The following EFR3A variants were observed in gnomAD, a reference collection of about 807,000 sequenced individuals.
EFR3A encodes the protein protein EFR3 homolog A.
Under a neutral mutation model 104.4 loss-of-function variants are expected in EFR3A, and 76 were observed. The ratio of observed to expected loss-of-function variants is 0.73; its 90% CI spans 0.60 to 0.88. EFR3A has a LOEUF of 0.88. Among genes scored for constraint, EFR3A ranks in the 40% least tolerant of loss-of-function variants. The pLI, the probability that EFR3A is intolerant of heterozygous loss-of-function variation, is 0.00. For synonymous variants in EFR3A, 330 were observed against 330.0 expected (o/e 1.00, Z 0.00); for missense variants, 985 against 1,012.5 (o/e 0.97, Z 0.37).
intron 1 of EFR3A, among the ~76,000 whole-genome samples, chr8:131,936,748 G>A (rs558751883): frequency 2.7e-4 from 41 of 152,144 alleles, no homozygotes; most frequent in Admixed American, 3.9e-4. Flanking sequence ...ATGAACAGCC[G>A]GATGGAAAAG....
At position 131,976,155 on chromosome 8, in the gene EFR3A, C is replaced by CT. The variant is rs769178158; in HGVS notation, c.1274+15dup. On this transcript the variant is annotated intron_variant, in intron 11 of 22. Coordinates refer to ENST00000254624, the MANE Select transcript of EFR3A (RefSeq NM_015137.6). The stretch of plus-strand genomic sequence containing the variant: ...CAGTCAACTAGGGTATGTTCTCAGA[C>CT]TGTAAATTTGAACTTAATCTTGAGT... 4.6e-5 allele frequency: 67 copies of CT among 1,444,830 alleles called. 1 individual carries two copies. The East Asian group carries it at 1.5e-3, about 33-fold the overall frequency. The allele number at this position is 1,444,830 out of a possible 1,614,324, so 89.5% of individuals were successfully genotyped here.
intron 1 of EFR3A, among the ~76,000 whole-genome samples, chr8:131,929,581 T>C (rs1292918079): frequency 6.6e-6 from 1 of 152,178 alleles, no homozygotes; most frequent in Non-Finnish European, 1.5e-5. Flanking sequence ...TATGTGATTA[T>C]CTTTTCCCAC....
intron 22 of EFR3A, 47 bp from the exon 23 acceptor site, chr8:132,010,743 C>G (rs757270282): frequency 2.5e-6 from 4 of 1,592,678 alleles, no homozygotes; most frequent in Non-Finnish European, 3.4e-6. Flanking sequence ...GTGAAATGAA[C>G]AGCTTGTAAG....
intron 9 of EFR3A, among the ~76,000 whole-genome samples, chr8:131,970,036 C>T (rs1343582183): frequency 6.6e-6 from 1 of 152,178 alleles, no homozygotes; most frequent in Non-Finnish European, 1.5e-5. Context: ...ATAATTGAGG[C>T]ATATTCTCCC....
Position 131,976,879 on chromosome 8 carries a change from G to T in EFR3A, c.1275-162G>T, listed in dbSNP as rs1056155554. ...TTTAAATATAATAGTTTTAATTCAC[G>T]TGAAATTTTACTTTGGCATGTGAAG... On this transcript the variant is annotated intron_variant, in intron 11 of 22. Transcript: ENST00000254624. Among the ~76,000 whole-genome samples the T allele has an allele frequency of 1.9e-4, 29 of 152,034 alleles. 1 individual carries two copies. Among genetic ancestry groups the T allele is most frequent in the Non-Finnish European group, 1.0e-4 (7 of 67,974 alleles).
intron 1 of EFR3A, among the ~76,000 whole-genome samples, chr8:131,911,195 G>A (rs10112720): frequency 0.17 from 25,842 of 152,118 alleles, 2,448 homozygotes; most frequent in East Asian, 0.33. Context: ...CACCCTAACT[G>A]AGGTTGTGGA....
chr8:131,946,435 A>G (rs779841969), intron 3 of EFR3A, 48 bp from the exon 4 acceptor site: 1 of 1,466,262 alleles, frequency 6.8e-7, no homozygotes, highest in East Asian at 2.5e-5. Flanking sequence ...ACTTAGGAGA[A>G]TTAAGAGAGG....
At chr8:131,961,497 G>C (rs1034930317) in intron 8 of EFR3A, among the ~76,000 whole-genome samples, 3 of 152,184 alleles carry the variant, frequency 2.0e-5, no homozygotes, top group Non-Finnish European at 4.4e-5. Flanking sequence ...GAAGCGAGAA[G>C]AGAAGTTTAG....
At chr8:131,959,736 A>G in intron 8 of EFR3A, 73 bp downstream of exon 8, 1 of 1,009,582 alleles carries the variant, frequency 9.9e-7, no homozygotes, top group East Asian at 2.5e-5. Flanking sequence ...ACATTATCAA[A>G]CAGATGTGGG....
intron 18 of EFR3A, among the ~76,000 whole-genome samples, chr8:131,995,198 A>G (rs1279970996): frequency 6.6e-6 from 1 of 152,186 alleles, no homozygotes; most frequent in Non-Finnish European, 1.5e-5. Flanking sequence ...TCCATGCTGC[A>G]GACTGAGACT....
intron 1 of EFR3A, among the ~76,000 whole-genome samples, chr8:131,909,101 A>T (rs1816386621): frequency 6.6e-6 from 1 of 152,178 alleles, no homozygotes; most frequent in Admixed American, 6.5e-5. Context: ...TAACTGTATG[A>T]TTTACCTATT....
chr8:131,987,519 T>A, intron 17 of EFR3A, 56 bp from the exon 18 acceptor site: 1 of 1,523,596 alleles, frequency 6.6e-7, no homozygotes, highest in Non-Finnish European at 8.8e-7. Context: ...GCATAGTAAC[T>A]TATTTTTGCT....
intron 15 of EFR3A, 69 bp downstream of exon 15, chr8:131,984,369 C>T: frequency 7.3e-7 from 1 of 1,366,520 alleles, no homozygotes; most frequent in Non-Finnish European, 9.6e-7. Flanking sequence ...TGAAATGTTG[C>T]CGTTATCCAA....
intron 4 of EFR3A, among the ~76,000 whole-genome samples, chr8:131,948,147 C>G (rs145275579): frequency 9.4e-4 from 143 of 152,096 alleles, no homozygotes; most frequent in African/African-American, 3.3e-3. Context: ...ATATTACCTG[C>G]TATTGTTTAT....
intron 9 of EFR3A, among the ~76,000 whole-genome samples, chr8:131,969,251 T>C (rs1046760849): frequency 7.2e-5 from 11 of 152,162 alleles, no homozygotes; most frequent in African/African-American, 2.7e-4. Context: ...AGAATCTGGT[T>C]ATGGTTTCTT....
chr8:131,982,670 ATTAC>A (rs1270737777), intron 14 of EFR3A, among the ~76,000 whole-genome samples: 1 of 152,158 alleles, frequency 6.6e-6, no homozygotes, highest in Non-Finnish European at 1.5e-5. Flanking sequence ...ACAAACTTGA[ATTAC>A]TTAAGGAACT....
chr8:131,964,134 T>G (rs1819559692), intron 8 of EFR3A, among the ~76,000 whole-genome samples: 1 of 152,064 alleles, frequency 6.6e-6, no homozygotes, highest in Non-Finnish European at 1.5e-5. Flanking sequence ...GGGGAAAAAC[T>G]GGAAGCATTC....
At chr8:131,970,669 T>C (rs746284787) in intron 10 of EFR3A, 26 bp downstream of exon 10, 2 of 1,599,682 alleles carry the variant, frequency 1.3e-6, no homozygotes, top group Non-Finnish European at 1.7e-6. Context: ...TTTTCAAAAC[T>C]ATCATGTAAA....
intron 17 of EFR3A, among the ~76,000 whole-genome samples, chr8:131,986,874 A>G (rs1012329160): frequency 2.0e-5 from 3 of 151,592 alleles, no homozygotes; most frequent in African/African-American, 7.3e-5. Context: ...AGCATATTTT[A>G]TGTTCTCATA....
Sources: gnomAD v4.1 joint callset for allele counts (sites outside exome capture counted in the v4.1 genomes callset) on GRCh38, gnomAD v4.1.1 for gene constraint, MANE v1.5 for transcripts, NCBI Gene and HGNC (gene_info 2026-07-23, HGNC 2026-07-21) for gene names.